Variants in NRXN3 observed in about 807,000 individuals in gnomAD.
The protein encoded by NRXN3 is neurexin 3.
Under a neutral mutation model 137.6 loss-of-function variants are expected in NRXN3, and 32 were observed. That is an observed-to-expected ratio of 0.23 (90% confidence interval 0.18 to 0.31). The LOEUF (loss-of-function observed/expected upper bound fraction) is 0.31, where lower values mean the gene tolerates loss of function less well. Ranked by LOEUF, NRXN3 falls within the 10% of genes least tolerant of loss-of-function variation. NRXN3 has a pLI of 1.00. For synonymous variants in NRXN3, 798 were observed against 784.5 expected, an observed-to-expected ratio of 1.02 and a Z score of -0.29; for missense variants, 1,574 against 2,062.5, an observed-to-expected ratio of 0.76 and a Z score of 4.59.
At chr14:79,644,158 A>G (rs2098444253) in intron 16 of NRXN3, among the ~76,000 whole-genome samples, 1 of 124,496 alleles carries the variant, frequency 8.0e-6, no homozygotes, top group Non-Finnish European at 1.9e-5. Context: ...AACCAAATTC[A>G]CCCCATGTAA....
intron 10 of NRXN3, among the ~76,000 whole-genome samples, chr14:78,822,730 G>T (rs993129226): frequency 6.7e-6 from 1 of 148,594 alleles, no homozygotes; most frequent in African/African-American, 2.5e-5. Context: ...AAAAAGAAAA[G>T]AAAGAAATGA....
chr14:79,174,550 C>A (rs2062114629), intron 15 of NRXN3, among the ~76,000 whole-genome samples: 1 of 140,686 alleles, frequency 7.1e-6, no homozygotes, highest in Non-Finnish European at 1.5e-5. Context: ...GATCAGAAAT[C>A]CTAATTATGA....
intron 4 of NRXN3, among the ~76,000 whole-genome samples, chr14:78,377,064 C>T (rs2087999938): frequency 6.6e-6 from 1 of 151,706 alleles, no homozygotes. Flanking sequence ...AGACTTAAGC[C>T]CCAACATAAC....
chr14:79,602,945 G>A (rs781729272), intron 16 of NRXN3, among the ~76,000 whole-genome samples: 3 of 152,060 alleles, frequency 2.0e-5, no homozygotes, highest in Non-Finnish European at 4.4e-5. Context: ...TATTCCGTGG[G>A]CTGCTCACCT....
chr14:79,389,128 A>G (rs1054963749), intron 15 of NRXN3, among the ~76,000 whole-genome samples: 13 of 152,182 alleles, frequency 8.5e-5, no homozygotes, highest in African/African-American at 3.1e-4. Flanking sequence ...CATGTCAGAC[A>G]TTGTCGTAAG....
At position 79,116,278 on chromosome 14, in the gene NRXN3, C is replaced by T. The variant is rs948494518; in HGVS notation, c.3262+128137C>T. 7.2e-5 allele frequency among the ~76,000 whole-genome samples: 11 copies of T among 152,248 alleles called. No homozygotes were observed. The South Asian group carries it at 1.0e-3, about 14-fold the overall frequency. On this transcript the variant is annotated intron_variant, in intron 15 of 20. Coordinates refer to ENST00000335750, the MANE Select transcript of NRXN3 (RefSeq NM_001330195.2). ...CCATTACTGAAAGAAGCAGTACAGC[C>T]GGCTAATGGATGGAGACACAGGGGA...
At chr14:78,236,368 A>G (rs2066301333) in intron 1 of NRXN3, among the ~76,000 whole-genome samples, 1 of 152,200 alleles carries the variant, frequency 6.6e-6, no homozygotes, top group African/African-American at 2.4e-5. Context: ...TTTGCTCAAT[A>G]TTATGTATGT....
At chr14:78,308,430 G>T (rs1459032120) in intron 4 of NRXN3, among the ~76,000 whole-genome samples, 2 of 152,070 alleles carry the variant, frequency 1.3e-5, no homozygotes, top group African/African-American at 4.8e-5. Flanking sequence ...CACATGCTCT[G>T]CAGCCCTTTT....
At chr14:78,461,691 A>G (rs773088333) in intron 4 of NRXN3, among the ~76,000 whole-genome samples, 4 of 152,062 alleles carry the variant, frequency 2.6e-5, no homozygotes, top group Non-Finnish European at 5.9e-5. Context: ...AAAACATAAC[A>G]CACTGACCTG....
In NRXN3 at chr14:79,601,192, G is replaced by A. The variant is rs139355746; in HGVS notation, c.3445-62586G>A. 4.0e-3 allele frequency among the ~76,000 whole-genome samples: 601 copies of A among 151,876 alleles called. 8 individuals carry two copies. The highest frequency in any genetic ancestry group is 0.014 in the African/African-American group (564 of 41,428). ...CTGAAAGCTGAGATCACAGGTACAC[G>A]CCACCACGCCCAACTAATTTTTGTA... On this transcript the variant is annotated intron_variant, in intron 16 of 20. Transcript: ENST00000335750.
intron 12 of NRXN3, among the ~76,000 whole-genome samples, 174 bp from the exon 13 acceptor site, chr14:78,967,034 T>A (rs549724375): frequency 4.6e-5 from 7 of 152,194 alleles, no homozygotes; most frequent in Non-Finnish European, 8.8e-5. Context: ...TAGTGAAGCA[T>A]GATAGAATAA....
chr14:79,617,930 A>AAAAAAAAAAAAAAAAAAAAAAG (rs1385000688), intron 16 of NRXN3, among the ~76,000 whole-genome samples: 4 of 148,732 alleles, frequency 2.7e-5, no homozygotes, highest in African/African-American at 1.0e-4. Context: ...AAAAAAAAAA[A>AAAAAAAAAAAAAAAAAAAAAAG]AACATGCTTA....
chr14:78,814,707 TA>T (rs2153107339), intron 10 of NRXN3, among the ~76,000 whole-genome samples: 1 of 152,268 alleles, frequency 6.6e-6, no homozygotes, highest in Non-Finnish European at 1.5e-5. Flanking sequence ...TGTAGTTCCA[TA>T]AGGCTGGCAG....
At chr14:79,538,709 A>G (rs936885775) in intron 16 of NRXN3, among the ~76,000 whole-genome samples, 1 of 152,078 alleles carries the variant, frequency 6.6e-6, no homozygotes, top group Non-Finnish European at 1.5e-5. Context: ...CTGTGATGAT[A>G]GTTTAGTTTG....
At chr14:78,413,788 C>T (rs1002120805) in intron 4 of NRXN3, among the ~76,000 whole-genome samples, 1 of 49,260 alleles carries the variant, frequency 2.0e-5, no homozygotes, top group Non-Finnish European at 4.3e-5. Context: ...GCACCAAAAA[C>T]ATCCACTATA....
chr14:79,368,017 T>G (rs1336101160), intron 15 of NRXN3, among the ~76,000 whole-genome samples: 1 of 152,230 alleles, frequency 6.6e-6, no homozygotes, highest in Non-Finnish European at 1.5e-5. Context: ...GTTTTCATCT[T>G]TACATTGATT....
intron 8 of NRXN3, among the ~76,000 whole-genome samples, chr14:78,796,704 G>A (rs1176791562): frequency 1.3e-5 from 2 of 152,160 alleles, no homozygotes; most frequent in Non-Finnish European, 2.9e-5. Flanking sequence ...GTAAGACACA[G>A]GGCAGATTTG....
intron 15 of NRXN3, among the ~76,000 whole-genome samples, chr14:79,443,213 A>G (rs1423190158): frequency 6.6e-6 from 1 of 152,240 alleles, no homozygotes; most frequent in East Asian, 1.9e-4. Context: ...AGTTGAGGAA[A>G]TTATGAAATG....
At chr14:79,340,303 C>T (rs1382371440) in intron 15 of NRXN3, among the ~76,000 whole-genome samples, 1 of 151,924 alleles carries the variant, frequency 6.6e-6, no homozygotes, top group Non-Finnish European at 1.5e-5. Flanking sequence ...ATGACATAGG[C>T]TTTCAAAGAT....
Sources: allele counts gnomAD v4.1 joint callset (sites outside exome capture counted in the v4.1 genomes callset), GRCh38; gene constraint gnomAD v4.1.1; transcripts MANE v1.5; gene names NCBI Gene and HGNC (gene_info 2026-07-23, HGNC 2026-07-21).